Variants in BCAR3 observed in about 807,000 individuals in gnomAD.
BCAR3 encodes breast cancer anti-estrogen resistance protein 3.
BCAR3 carries 37 observed loss-of-function variants against 80.1 expected under a neutral mutation model. The observed-to-expected ratio is 0.46, with a 90% CI of 0.36 to 0.61. BCAR3 has a LOEUF of 0.61. BCAR3 is among the 20% of genes least tolerant of loss of function. BCAR3 has a pLI of 0.00. For synonymous variants in BCAR3, 389 were observed against 418.9 expected (o/e 0.93, Z 0.87); for missense variants, 978 against 1,068.2 (o/e 0.92, Z 1.18).
intron 2 of BCAR3, among the ~76,000 whole-genome samples, chr1:93,734,292 A>G (rs1388771868): frequency 6.6e-6 from 1 of 152,218 alleles, no homozygotes; most frequent in Non-Finnish European, 1.5e-5. Flanking sequence ...ACTGGAGTGC[A>G]TGGATATATT....
At chr1:93,614,808 C>T (rs748137017) in intron 3 of BCAR3, among the ~76,000 whole-genome samples, 3 of 152,070 alleles carry the variant, frequency 2.0e-5, no homozygotes, top group Non-Finnish European at 4.4e-5. Flanking sequence ...ACTTTAATTA[C>T]TCATCGCCAC....
At chr1:93,598,311 C>A (rs1480702063) in intron 3 of BCAR3, among the ~76,000 whole-genome samples, 2 of 152,228 alleles carry the variant, frequency 1.3e-5, no homozygotes, top group Non-Finnish European at 2.9e-5. Flanking sequence ...TGGGGACACT[C>A]ATTCGCATGT....
chr1:93,574,154 C>T (rs1180969634), intron 8 of BCAR3, among the ~76,000 whole-genome samples: 1 of 143,698 alleles, frequency 7.0e-6, no homozygotes, highest in Admixed American at 6.7e-5. Flanking sequence ...TTGCCTGAAA[C>T]CTCCTGGATA....
intron 7 of BCAR3, among the ~76,000 whole-genome samples, chr1:93,578,101 C>T (rs1434473036): frequency 6.6e-6 from 1 of 152,222 alleles, no homozygotes; most frequent in Non-Finnish European, 1.5e-5. Flanking sequence ...CCCGATGAGG[C>T]TTCCTTCTGC....
chr1:93,701,663 C>T (rs1051369188), intron 3 of BCAR3, among the ~76,000 whole-genome samples: 6 of 152,198 alleles, frequency 3.9e-5, no homozygotes, highest in African/African-American at 7.2e-5. Context: ...TATGTGGTGG[C>T]CCTCTTTGTC....
intron 2 of BCAR3, among the ~76,000 whole-genome samples, chr1:93,664,478 T>C (rs1323191766): frequency 6.6e-6 from 1 of 152,218 alleles, no homozygotes; most frequent in African/African-American, 2.4e-5. Flanking sequence ...CAATGCCTGA[T>C]GACTGTGTTC....
At chr1:93,609,977 C>T (rs1170149750) in intron 3 of BCAR3, among the ~76,000 whole-genome samples, 1 of 152,206 alleles carries the variant, frequency 6.6e-6, no homozygotes. Context: ...CTAAAGAGAG[C>T]AACACCAAAT....
intron 2 of BCAR3, among the ~76,000 whole-genome samples, chr1:93,834,552 A>G (rs545557217): frequency 6.6e-6 from 1 of 152,302 alleles, no homozygotes; most frequent in African/African-American, 2.4e-5. Context: ...ATTCTTACCC[A>G]AGAGCCAGGA....
At chr1:93,720,857 T>TGAAGAAG (rs1650369587) in intron 2 of BCAR3, among the ~76,000 whole-genome samples, 1 of 151,904 alleles carries the variant, frequency 6.6e-6, no homozygotes, top group Non-Finnish European at 1.5e-5. Flanking sequence ...GGGAGAAGAA[T>TGAAGAAG]GAAGAAGCTG....
At chr1:93,576,202 A>C (rs1673450093) in intron 7 of BCAR3, 73 bp from the exon 8 acceptor site, 2 of 1,135,170 alleles carry the variant, frequency 1.8e-6, no homozygotes, top group Non-Finnish European at 2.7e-6. Flanking sequence ...AGCATATGAG[A>C]AGAAACACAC....
intron 2 of BCAR3, among the ~76,000 whole-genome samples, chr1:93,830,043 C>T (rs1654504979): frequency 1.3e-5 from 2 of 152,234 alleles, no homozygotes; most frequent in South Asian, 2.1e-4. Flanking sequence ...AGTGCTTGCT[C>T]CCTCTTTGCC....
At chr1:93,579,034 C>CAAAG (rs1673587558) in intron 7 of BCAR3, among the ~76,000 whole-genome samples, 1 of 152,154 alleles carries the variant, frequency 6.6e-6, no homozygotes, top group African/African-American at 2.4e-5. Flanking sequence ...TAGCTATAGG[C>CAAAG]AAAGACCTTG....
At chr1:93,670,625 A>G (rs1251355118) in intron 2 of BCAR3, among the ~76,000 whole-genome samples, 1 of 152,172 alleles carries the variant, frequency 6.6e-6, no homozygotes, top group Non-Finnish European at 1.5e-5. Flanking sequence ...GTGCCTCAAC[A>G]TCCCTGAACC....
chr1:93,774,248 G>T (rs1348110872), intron 2 of BCAR3, among the ~76,000 whole-genome samples: 1 of 152,116 alleles, frequency 6.6e-6, no homozygotes, highest in Non-Finnish European at 1.5e-5. Context: ...ACTTTTGGGA[G>T]GCCGAGGTGG....
intron 3 of BCAR3, among the ~76,000 whole-genome samples, chr1:93,632,659 T>TA (rs1675663517): frequency 6.6e-6 from 1 of 152,162 alleles, no homozygotes; most frequent in Non-Finnish European, 1.5e-5. Context: ...CCACAGACAA[T>TA]ACATAAATGA....
chr1:93,711,868 A>G (rs1650038678), intron 2 of BCAR3, among the ~76,000 whole-genome samples: 1 of 152,140 alleles, frequency 6.6e-6, no homozygotes, highest in Admixed American at 6.5e-5. Flanking sequence ...TGGACATTGC[A>G]TAGAACTCTA....
intron 2 of BCAR3, among the ~76,000 whole-genome samples, chr1:93,739,591 T>G (rs551336789): frequency 1.7e-4 from 26 of 152,340 alleles, no homozygotes; most frequent in Non-Finnish European, 3.5e-4. Flanking sequence ...ACAGCTGGTT[T>G]AATGCTCTGC....
At chr1:93,572,114 A>C (rs867755199) in intron 8 of BCAR3, among the ~76,000 whole-genome samples, 1 of 152,170 alleles carries the variant, frequency 6.6e-6, no homozygotes, top group Non-Finnish European at 1.5e-5. Flanking sequence ...ACCTGGGGGC[A>C]CAAAGAGGGA....
At chr1:93,582,213 A>T in intron 7 of BCAR3, 88 bp downstream of exon 7, 1 of 1,497,524 alleles carries the variant, frequency 6.7e-7, no homozygotes, top group Non-Finnish European at 8.9e-7. Flanking sequence ...CCTCCTTCCA[A>T]ACCTACAAAA....
Sources: gnomAD v4.1 joint callset for allele counts (sites outside exome capture counted in the v4.1 genomes callset) on GRCh38, gnomAD v4.1.1 for gene constraint, MANE v1.5 for transcripts, NCBI Gene and HGNC (gene_info 2026-07-23, HGNC 2026-07-21) for gene names.